Variants in PPP2R2B observed in about 807,000 individuals in gnomAD.
PPP2R2B encodes protein phosphatase 2 regulatory subunit Bbeta, also known as serine/threonine-protein phosphatase 2A 55 kDa regulatory subunit B beta isoform.
A neutral mutation model predicts 46.0 loss-of-function variants in PPP2R2B; 5 were observed. That is an observed-to-expected ratio of 0.11 (90% CI 0.06 to 0.23). The LOEUF is 0.23. Ranked by LOEUF, PPP2R2B falls within the 10% of genes least tolerant of loss-of-function variation. The pLI is 1.00. For missense variants in PPP2R2B, 367 were observed against 575.0 expected (o/e 0.64, Z 3.70); for synonymous variants, 215 against 206.7 (o/e 1.04, Z -0.34).
At chr5:147,068,058 G>C (rs186073815) in intron 2 of PPP2R2B, among the ~76,000 whole-genome samples, 26 of 152,216 alleles carry the variant, frequency 1.7e-4, no homozygotes, top group Admixed American at 1.6e-3. Context: ...AGCTCATTTA[G>C]AGAGAGTTTA....
At chr5:146,661,296 A>T (rs959825118) in intron 5 of PPP2R2B, among the ~76,000 whole-genome samples, 2 of 152,034 alleles carry the variant, frequency 1.3e-5, no homozygotes, top group East Asian at 1.9e-4. Flanking sequence ...AGGCTGAAAA[A>T]CCCAAGTCTT....
chr5:146,829,413 T>C (rs954195612), intron 2 of PPP2R2B, among the ~76,000 whole-genome samples: 1 of 152,080 alleles, frequency 6.6e-6, no homozygotes, highest in Non-Finnish European at 1.5e-5. Context: ...CAATGAAAAA[T>C]GATATTAAAA....
At position 146,970,464 on chromosome 5, in the gene PPP2R2B, C is replaced by T. The variant is rs915583741; in HGVS notation, c.79+85201G>A. On this transcript the variant is annotated intron_variant, in intron 1 of 8. Transcript: ENST00000336640. ...AAAAAAAATTAGCCATGCGTGGTGG[C>T]GGGCTTCTGTAATCCCAGCTACTTG... 5.3e-5 allele frequency among the ~76,000 whole-genome samples: 8 copies of T among 151,948 alleles called. No homozygotes were observed. The South Asian group carries it at 6.2e-4, about 12-fold the overall frequency.
In PPP2R2B at chr5:146,812,813, A is replaced by G. The variant is rs1457072160; in HGVS notation, c.70+65189T>C. 5.3e-4 allele frequency among the ~76,000 whole-genome samples: 36 copies of G among 67,694 alleles called. 1 individual carries two copies. Among genetic ancestry groups the G allele is most frequent in the East Asian group, 3.3e-3 (8 of 2,422 alleles). 44.4% of individuals were successfully genotyped at this position (67,694 alleles called of 152,430 possible). ...TGTGTGTATATATATATATATATAT[A>G]TATATATATATATATACACACACAT... On this transcript the variant is annotated intron_variant, in intron 2 of 9. Coordinates refer to ENST00000394411, the MANE Select transcript of PPP2R2B (RefSeq NM_181675.4).
chr5:146,918,886 A>G (rs1484614303), intron 1 of PPP2R2B, among the ~76,000 whole-genome samples: 1 of 152,180 alleles, frequency 6.6e-6, no homozygotes, highest in African/African-American at 2.4e-5. Flanking sequence ...GTAACTCAAT[A>G]CTTGAAATGA....
chr5:146,866,433 G>A (rs1761312985), intron 2 of PPP2R2B, among the ~76,000 whole-genome samples: 1 of 152,142 alleles, frequency 6.6e-6, no homozygotes, highest in Non-Finnish European at 1.5e-5. Flanking sequence ...TTTATCATCA[G>A]CAAAGTAGAA....
At chr5:146,962,206 G>GT (rs896115817) in intron 1 of PPP2R2B, among the ~76,000 whole-genome samples, 1 of 149,210 alleles carries the variant, frequency 6.7e-6, no homozygotes, top group Admixed American at 6.7e-5. Flanking sequence ...CAATACACTT[G>GT]TTTTTTTCTT....
intron 9 of PPP2R2B, among the ~76,000 whole-genome samples, chr5:146,590,725 A>G (rs1770552568): frequency 6.6e-6 from 1 of 152,102 alleles, no homozygotes; most frequent in Non-Finnish European, 1.5e-5. Flanking sequence ...CAGTGAGGGG[A>G]GAGATGCTAG....
chr5:146,908,217 G>C (rs956278160), intron 1 of PPP2R2B, among the ~76,000 whole-genome samples: 1 of 152,136 alleles, frequency 6.6e-6, no homozygotes, highest in African/African-American at 2.4e-5. Flanking sequence ...CAAAATATTA[G>C]CTTGAAGTAG....
At chr5:147,052,376 G>A (rs1208251403) in intron 1 of PPP2R2B, among the ~76,000 whole-genome samples, 1 of 152,096 alleles carries the variant, frequency 6.6e-6, no homozygotes, top group Non-Finnish European at 1.5e-5. Flanking sequence ...GGTTCTGGAG[G>A]TACAACAGTT....
At chr5:147,011,306 C>A (rs956201819) in intron 1 of PPP2R2B, among the ~76,000 whole-genome samples, 3 of 152,078 alleles carry the variant, frequency 2.0e-5, no homozygotes, top group Non-Finnish European at 4.4e-5. Context: ...AATGCCCCCC[C>A]CATCCCTACA....
intron 7 of PPP2R2B, among the ~76,000 whole-genome samples, chr5:146,632,064 C>CG (rs1774462777): frequency 8.8e-6 from 1 of 113,086 alleles, no homozygotes; most frequent in Non-Finnish European, 1.8e-5. Flanking sequence ...GAGTTGTGCC[C>CG]CCCCCCCCGC....
intron 1 of PPP2R2B, among the ~76,000 whole-genome samples, chr5:147,031,226 C>T (rs1755765589): frequency 6.6e-6 from 1 of 151,406 alleles, no homozygotes; most frequent in African/African-American, 2.4e-5. Context: ...AACAGCGAGA[C>T]TCCACCTCAA....
At chr5:146,830,723 TGGCCTCCCAAA>T (rs1758875680) in intron 2 of PPP2R2B, among the ~76,000 whole-genome samples, 1 of 152,054 alleles carries the variant, frequency 6.6e-6, no homozygotes, top group African/African-American at 2.4e-5. Context: ...CCACCCACCT[TGGCCTCCCAAA>T]GTGCTAGGAT....
chr5:146,992,686 A>T (rs1463794940), intron 1 of PPP2R2B, among the ~76,000 whole-genome samples: 1 of 152,198 alleles, frequency 6.6e-6, no homozygotes, highest in East Asian at 1.9e-4. Flanking sequence ...CTCTCATTAC[A>T]ACATAGTTGG....
intron 1 of PPP2R2B, among the ~76,000 whole-genome samples, chr5:147,015,421 T>C (rs546959232): frequency 3.9e-4 from 59 of 151,788 alleles, no homozygotes; most frequent in Non-Finnish European, 7.1e-4. Flanking sequence ...CTTGCTTTGC[T>C]TTGTGCGTGC....
chr5:146,601,260 T>A (rs1323158415), intron 7 of PPP2R2B, among the ~76,000 whole-genome samples: 1 of 152,190 alleles, frequency 6.6e-6, no homozygotes, highest in Non-Finnish European at 1.5e-5. Flanking sequence ...TAAGTTTTTG[T>A]CTGGTCATAT....
At chr5:146,593,139 T>A in intron 8 of PPP2R2B, 77 bp from the exon 9 acceptor site, 1 of 1,184,656 alleles carries the variant, frequency 8.4e-7, no homozygotes, top group South Asian at 1.2e-5. Flanking sequence ...CCTCTTCTGA[T>A]GTGAGCTGTT....
intron 1 of PPP2R2B, among the ~76,000 whole-genome samples, chr5:146,912,526 G>A (rs901886775): frequency 8.7e-6 from 1 of 114,446 alleles, no homozygotes; most frequent in Non-Finnish European, 1.8e-5. Flanking sequence ...TTTTTTTTTT[G>A]TTTTTGAGAC....
Sources: gnomAD v4.1 joint callset for allele counts (sites outside exome capture counted in the v4.1 genomes callset) on GRCh38, gnomAD v4.1.1 for gene constraint, MANE v1.5 for transcripts, NCBI Gene and HGNC (gene_info 2026-07-23, HGNC 2026-07-21) for gene names.